GALNT10: variants seen among roughly 807,000 people sequenced by gnomAD.
The protein encoded by GALNT10 is polypeptide N-acetylgalactosaminyltransferase 10.
Under a neutral mutation model 75.0 loss-of-function variants are expected in GALNT10, and 41 were observed. The observed-to-expected ratio is 0.55, with a 90% CI of 0.43 to 0.71. The LOEUF (loss-of-function observed/expected upper bound fraction) is 0.71. Ranked by LOEUF, GALNT10 falls within the 30% of genes least tolerant of loss-of-function variation. The pLI, the probability that GALNT10 is intolerant of heterozygous loss-of-function variation, is 0.00. For synonymous variants in GALNT10, 302 were observed against 313.0 expected (o/e 0.96, Z 0.37); for missense variants, 727 against 818.5 (o/e 0.89, Z 1.36).
At chr5:154,386,736 G>C in intron 7 of GALNT10, 1 of 541,276 alleles carries the variant, frequency 1.8e-6, no homozygotes, top group Non-Finnish European at 3.2e-6. Context: ...CAGATGGCAG[G>C]TCTGAGATTG....
rs868513261 is a variant in GALNT10, at chr5:154,338,663, A to G, written c.568+8925A>G. On this transcript the variant is annotated intron_variant, in intron 4 of 11. Coordinates refer to ENST00000297107, the MANE Select transcript of GALNT10 (RefSeq NM_198321.4). Reference sequence around the variant, plus strand: ...TTTATGGGCACTTTGTGAAGTGAACATTTAATCATATGCAACTTTGCATCC... The same window carrying G: ...TTTATGGGCACTTTGTGAAGTGAACGTTTAATCATATGCAACTTTGCATCC... Among the ~76,000 whole-genome samples, 49 of 152,248 alleles carry G rather than the reference A, an allele frequency of 3.2e-4. 1 individual carries two copies. The highest frequency in any genetic ancestry group is 1.9e-3 in the South Asian group (9 of 4,836).
chr5:154,249,567 C>G (rs986913925), intron 1 of GALNT10, among the ~76,000 whole-genome samples: 1 of 152,102 alleles, frequency 6.6e-6, no homozygotes, highest in African/African-American at 2.4e-5. Context: ...TCCAGCCCCC[C>G]CCAGTAACTT....
At chr5:154,242,870 G>T (rs2113669104) in intron 1 of GALNT10, among the ~76,000 whole-genome samples, 1 of 152,324 alleles carries the variant, frequency 6.6e-6, no homozygotes. Flanking sequence ...CTTCAAGCTT[G>T]TCTAGTTACT....
chr5:154,338,601 A>G (rs1754981765), intron 4 of GALNT10: 1 of 162,958 alleles, frequency 6.1e-6, no homozygotes, highest in South Asian at 1.8e-4. Context: ...TAATAGCTAG[A>G]TAATATTCCA....
At chr5:154,370,759 T>TG (rs1266301036) in intron 4 of GALNT10, among the ~76,000 whole-genome samples, 1 of 151,520 alleles carries the variant, frequency 6.6e-6, no homozygotes, top group Non-Finnish European at 1.5e-5. Flanking sequence ...AGCAGGAGAG[T>TG]GGAAGAGTGA....
chr5:154,323,105 A>G (rs1754698636), intron 3 of GALNT10, among the ~76,000 whole-genome samples: 1 of 152,220 alleles, frequency 6.6e-6, no homozygotes, highest in Non-Finnish European at 1.5e-5. Context: ...GGGCTCAGCA[A>G]ACTTTTTCTG....
At position 154,389,250 on chromosome 5, in the gene GALNT10, A is replaced by G. The variant is rs181977125; in HGVS notation, c.1056+2820A>G. 1.3e-4 allele frequency: 20 copies of G among 151,696 alleles called. No individual in the cohort carries two copies. The East Asian group carries it at 3.9e-3, about 29-fold the overall frequency. 9.4% of individuals were successfully genotyped at this position (151,696 alleles called of 1,614,324 possible). A position where few individuals can be genotyped will look rare whatever the true frequency, so the allele number is the denominator to read the frequency against. On this transcript the variant is annotated intron_variant, in intron 7 of 11. Transcript: ENST00000297107. ...TTAAATCTTTTCTAAAATTATATTT[A>G]TATAAATATCTTATAAATATTCTAA...
At chr5:154,282,895 A>G (rs1043001579) in intron 1 of GALNT10, among the ~76,000 whole-genome samples, 2 of 152,218 alleles carry the variant, frequency 1.3e-5, no homozygotes, top group Admixed American at 1.3e-4. Context: ...GGAGAGATAG[A>G]CAATATTCAA....
intron 4 of GALNT10, among the ~76,000 whole-genome samples, chr5:154,344,025 G>A (rs987532438): frequency 6.6e-6 from 1 of 152,234 alleles, no homozygotes; most frequent in South Asian, 2.1e-4. Context: ...GCTGTGTCAT[G>A]ATTAACTGGA....
intron 3 of GALNT10, among the ~76,000 whole-genome samples, chr5:154,302,292 AC>A (rs1205931580): frequency 6.6e-6 from 1 of 152,236 alleles, no homozygotes; most frequent in Admixed American, 6.5e-5. Flanking sequence ...CAGAAGCTGC[AC>A]TGGGGACTGC....
intron 3 of GALNT10, among the ~76,000 whole-genome samples, chr5:154,322,137 C>T (rs1219339783): frequency 5.3e-5 from 8 of 152,082 alleles, no homozygotes; most frequent in African/African-American, 1.7e-4. Flanking sequence ...ATACATCATG[C>T]GTGGGTCTCA....
At chr5:154,248,943 A>G (rs1433861077) in intron 1 of GALNT10, among the ~76,000 whole-genome samples, 1 of 152,238 alleles carries the variant, frequency 6.6e-6, no homozygotes, top group East Asian at 1.9e-4. Flanking sequence ...GCTCCAGATA[A>G]GTTGCTGGAA....
At chr5:154,371,299 A>T (rs772468825) in intron 4 of GALNT10, among the ~76,000 whole-genome samples, 40 of 152,128 alleles carry the variant, frequency 2.6e-4, no homozygotes, top group Non-Finnish European at 5.4e-4. Flanking sequence ...CCGTCTTAAC[A>T]TAACTACATC....
At chr5:154,408,094 T>C (rs1253483095) in intron 8 of GALNT10, among the ~76,000 whole-genome samples, 1 of 152,238 alleles carries the variant, frequency 6.6e-6, no homozygotes, top group Non-Finnish European at 1.5e-5. Flanking sequence ...TCAGTATCCA[T>C]AAGTTTTACT....
intron 1 of GALNT10, among the ~76,000 whole-genome samples, chr5:154,285,667 T>A (rs1010101195): frequency 2.0e-5 from 3 of 152,212 alleles, no homozygotes; most frequent in African/African-American, 7.2e-5. Flanking sequence ...CATCTCTGCC[T>A]GCACCACTGT....
chr5:154,292,475 A>C (rs1328188153), intron 1 of GALNT10, among the ~76,000 whole-genome samples: 2 of 152,140 alleles, frequency 1.3e-5, no homozygotes, highest in Non-Finnish European at 2.9e-5. Context: ...AATCAACCAA[A>C]GTTTCCAATC....
intron 4 of GALNT10, among the ~76,000 whole-genome samples, chr5:154,362,096 T>C (rs1755396962): frequency 1.3e-5 from 2 of 152,206 alleles, no homozygotes; most frequent in South Asian, 2.1e-4. Flanking sequence ...TTTGAGCTTA[T>C]GATACCCCAA....
chr5:154,330,371 G>C (rs1754837171), intron 4 of GALNT10, among the ~76,000 whole-genome samples: 1 of 152,228 alleles, frequency 6.6e-6, no homozygotes, highest in Admixed American at 6.5e-5. Context: ...GTTAGGAAAG[G>C]GAGAAGTGGA....
intron 7 of GALNT10, chr5:154,388,545 A>C (rs560092270): frequency 6.6e-6 from 1 of 152,184 alleles, no homozygotes; most frequent in African/African-American, 2.4e-5. Flanking sequence ...CAGCCGGAAG[A>C]AGCAGAACTG....
Sources: allele counts gnomAD v4.1 joint callset (sites outside exome capture counted in the v4.1 genomes callset), GRCh38; gene constraint gnomAD v4.1.1; transcripts MANE v1.5; gene names NCBI Gene and HGNC (gene_info 2026-07-23, HGNC 2026-07-21).